Variants in MEI4 observed in about 807,000 individuals in gnomAD.
The protein encoded by MEI4 is meiosis-specific protein MEI4.
Under a neutral mutation model 31.4 loss-of-function variants are expected in MEI4, and 27 were observed. The observed-to-expected ratio is 0.86, with a 90% CI of 0.63 to 1.19. MEI4 has a LOEUF of 1.19. Ranked by LOEUF, MEI4 falls within the 50% of genes most tolerant of loss-of-function variation. The probability of loss-of-function intolerance (pLI) is 0.00; values close to 1 mark genes in which losing one functional copy is unlikely to be tolerated. For synonymous variants in MEI4, 122 were observed against 145.4 expected, an observed-to-expected ratio of 0.84 and a Z score of 1.16; for missense variants, 329 against 398.9, an observed-to-expected ratio of 0.82 and a Z score of 1.49.
At chr6:77,796,088 A>G (rs1325566105) in intron 3 of MEI4, among the ~76,000 whole-genome samples, 2 of 152,210 alleles carry the variant, frequency 1.3e-5, no homozygotes, top group African/African-American at 2.4e-5. Flanking sequence ...GGGTGAAAGT[A>G]TGATTTCATT....
At chr6:77,902,253 G>A (rs1197669744) in intron 4 of MEI4, among the ~76,000 whole-genome samples, 4 of 151,880 alleles carry the variant, frequency 2.6e-5, no homozygotes, top group African/African-American at 4.8e-5. Context: ...AAAATTCATT[G>A]GAATTTTGAT....
At chr6:77,802,534 G>C (rs1426545902) in intron 3 of MEI4, among the ~76,000 whole-genome samples, 1 of 152,082 alleles carries the variant, frequency 6.6e-6, no homozygotes, top group Non-Finnish European at 1.5e-5. Flanking sequence ...TGGTTATTTT[G>C]CTCGTTAGTT....
At chr6:77,750,484 A>G (rs1019005892) in intron 2 of MEI4, among the ~76,000 whole-genome samples, 3 of 152,256 alleles carry the variant, frequency 2.0e-5, no homozygotes, top group African/African-American at 7.2e-5. Flanking sequence ...TCTCTGATAA[A>G]ACAGACTTTA....
At chr6:77,765,602 G>A (rs531741186) in intron 3 of MEI4, among the ~76,000 whole-genome samples, 1 of 126,660 alleles carries the variant, frequency 7.9e-6, no homozygotes, top group Non-Finnish European at 1.6e-5. Context: ...GTGTGAACTA[G>A]TTCAACCATT....
chr6:77,922,764 C>T (rs546644935), intron 4 of MEI4, among the ~76,000 whole-genome samples: 8 of 151,712 alleles, frequency 5.3e-5, no homozygotes, highest in African/African-American at 1.9e-4. Flanking sequence ...TTGAATTTAA[C>T]ACTGGTATGA....
intron 4 of MEI4, among the ~76,000 whole-genome samples, chr6:77,869,936 A>G (rs1440094447): frequency 6.6e-6 from 1 of 152,082 alleles, no homozygotes; most frequent in Non-Finnish European, 1.5e-5. Flanking sequence ...ATAGAGATGT[A>G]CTGAGTGCCT....
intron 2 of MEI4, among the ~76,000 whole-genome samples, chr6:77,700,690 G>A (rs962373603): frequency 6.6e-6 from 1 of 152,166 alleles, no homozygotes; most frequent in Admixed American, 6.5e-5. Context: ...TGTCGCTCAC[G>A]CTGGGAGCTG....
At chr6:77,880,341 C>T (rs1375245628) in intron 4 of MEI4, among the ~76,000 whole-genome samples, 1 of 152,000 alleles carries the variant, frequency 6.6e-6, no homozygotes, top group Non-Finnish European at 1.5e-5. Flanking sequence ...CGCCATTCTC[C>T]TGCCTCAGCC....
intron 4 of MEI4, among the ~76,000 whole-genome samples, chr6:77,851,186 G>T (rs1261641277): frequency 6.6e-6 from 1 of 152,178 alleles, no homozygotes; most frequent in Admixed American, 6.5e-5. Flanking sequence ...TACACTGTTG[G>T]TGGGACTGTA....
intron 3 of MEI4, among the ~76,000 whole-genome samples, chr6:77,789,555 C>G (rs1450143876): frequency 6.6e-6 from 1 of 151,972 alleles, no homozygotes; most frequent in African/African-American, 2.4e-5. Context: ...AACAAATTTA[C>G]AAGGAAAAAA....
At chr6:77,710,319 C>G (rs1178672139) in intron 2 of MEI4, among the ~76,000 whole-genome samples, 1 of 151,878 alleles carries the variant, frequency 6.6e-6, no homozygotes, top group Non-Finnish European at 1.5e-5. Flanking sequence ...GTCAAGAGAT[C>G]AAGACCATCC....
At chr6:77,922,858 AT>A (rs1371768038) in intron 4 of MEI4, among the ~76,000 whole-genome samples, 1 of 151,732 alleles carries the variant, frequency 6.6e-6, no homozygotes, top group Non-Finnish European at 1.5e-5. Context: ...CAGGGAAAGG[AT>A]TTGGAGCTTC....
At chr6:77,730,041 T>G (rs62418237) in intron 2 of MEI4, among the ~76,000 whole-genome samples, 20,914 of 151,926 alleles carry the variant, frequency 0.14, 1,525 homozygotes, top group Middle Eastern at 0.21. Flanking sequence ...GTGTCTTCAG[T>G]GTCTTGGTGG....
intron 4 of MEI4, among the ~76,000 whole-genome samples, chr6:77,845,066 C>A (rs1770449736): frequency 6.6e-6 from 1 of 151,994 alleles, no homozygotes; most frequent in African/African-American, 2.4e-5. Flanking sequence ...CTTTTTTTCC[C>A]CCTAGCTTGC....
chr6:77,848,903 G>C (rs1770548344), intron 4 of MEI4, among the ~76,000 whole-genome samples: 1 of 151,968 alleles, frequency 6.6e-6, no homozygotes, highest in Admixed American at 6.6e-5. Context: ...CTTACTATGG[G>C]GGAAGTGTGA....
chr6:77,735,648 T>G (rs1767173031), intron 2 of MEI4, among the ~76,000 whole-genome samples: 1 of 152,142 alleles, frequency 6.6e-6, no homozygotes, highest in African/African-American at 2.4e-5. Flanking sequence ...AAAGTCATTC[T>G]CTGTCCAGCT....
chr6:77,876,822 T>C (rs528266606), intron 4 of MEI4, among the ~76,000 whole-genome samples: 6 of 152,160 alleles, frequency 3.9e-5, no homozygotes, highest in Admixed American at 3.9e-4. Flanking sequence ...TGAGGCAAAG[T>C]ACCATAGTAA....
chr6:77,887,988 C>G (rs1771664779), intron 4 of MEI4, among the ~76,000 whole-genome samples: 2 of 152,130 alleles, frequency 1.3e-5, no homozygotes, highest in African/African-American at 4.8e-5. Flanking sequence ...ATATTATCTT[C>G]CTGAATTCAT....
chr6:77,918,768 C>T (rs1053264474), intron 4 of MEI4, among the ~76,000 whole-genome samples: 1 of 151,836 alleles, frequency 6.6e-6, no homozygotes, highest in African/African-American at 2.4e-5. Flanking sequence ...ATTTCCTTCT[C>T]CTGCCTAATT....
Sources: gnomAD v4.1 joint callset for allele counts (sites outside exome capture counted in the v4.1 genomes callset) on GRCh38, gnomAD v4.1.1 for gene constraint, MANE v1.5 for transcripts, NCBI Gene and HGNC (gene_info 2026-07-23, HGNC 2026-07-21) for gene names.